Variants in MDM4 observed in about 807,000 individuals in gnomAD.
The protein encoded by MDM4 is MDM4 regulator of p53, also known as protein Mdm4.
A neutral mutation model predicts 60.2 loss-of-function variants in MDM4; 2 were observed. The ratio of observed to expected loss-of-function variants is 0.03; its 90% CI spans 0.01 to 0.10. The LOEUF (loss-of-function observed/expected upper bound fraction) is 0.10, where lower values mean the gene tolerates loss of function less well. Ranked by LOEUF, MDM4 falls within the 10% of genes least tolerant of loss-of-function variation. The probability of loss-of-function intolerance (pLI) is 1.00; values close to 1 mark genes in which losing one functional copy is unlikely to be tolerated. For missense variants in MDM4, 447 were observed against 577.5 expected (o/e 0.77, Z 2.32); for synonymous variants, 202 against 198.1 (o/e 1.02, Z -0.17).
chr1:204,516,440 A>C lies in MDM4; in HGVS notation c.-105A>C, dbSNP rs1191267432. ...CATTTCAAAATGCTGCCGAGGCCCT[A>C]GGATCTGTGACTGCCACCCCTCCCC... On this transcript the variant is annotated 5_prime_UTR_variant, in exon 1 of 11. The change abolishes the stop of an existing upstream ORF in the 5' untranslated region. Transcript: ENST00000367182. 6.6e-6 allele frequency: 1 copy of C among 152,224 alleles called. No individual in the cohort carries two copies. The highest frequency in any genetic ancestry group is 2.4e-5 in the African/African-American group (1 of 41,436). 9.4% of individuals were successfully genotyped at this position (152,224 alleles called of 1,614,324 possible).
At chr1:204,517,190 C>G (rs1248342016) in intron 1 of MDM4, among the ~76,000 whole-genome samples, 2 of 150,576 alleles carry the variant, frequency 1.3e-5, no homozygotes, top group African/African-American at 4.9e-5. Context: ...TGCAGTGAGT[C>G]GAGATCGCGC....
Position 204,544,525 on chromosome 1 carries a change from T to C in MDM4, c.673-10T>C, listed in dbSNP as rs375090771. On this transcript the variant is annotated splice_polypyrimidine_tract_variant and intron_variant, in intron 8 of 10. Coordinates refer to ENST00000367182, the MANE Select transcript of MDM4 (RefSeq NM_002393.5). ...AATACAGAAACTCATGTTTGTTTTT[T>C]TTCTGTTAGGATGTGGGTACTGCCA... 19 of 1,592,020 alleles carry C rather than the reference T, an allele frequency of 1.2e-5. No individual in the cohort carries two copies. The African/African-American group carries it at 2.0e-4, about 17-fold the overall frequency.
intron 6 of MDM4, chr1:204,537,823 A>C: frequency 1.6e-6 from 1 of 642,718 alleles, no homozygotes. Context: ...AGTTAAGTTC[A>C]TGTCAGGCCA....
intron 1 of MDM4, among the ~76,000 whole-genome samples, chr1:204,524,168 A>G (rs1224536222): frequency 6.6e-6 from 1 of 152,234 alleles, no homozygotes; most frequent in Non-Finnish European, 1.5e-5. Flanking sequence ...AATGAAGAAC[A>G]AAGAACAGGG....
chr1:204,556,626 G>T lies in MDM4; in HGVS notation c.*6944G>T, dbSNP rs948638571. Reference sequence around the variant, plus strand: ...TGGGAGGATCGCTTGAGCCTGGGAGGTGGAGGTTGCAGTGAGCTGAGATGG... The same window carrying T: ...TGGGAGGATCGCTTGAGCCTGGGAGTTGGAGGTTGCAGTGAGCTGAGATGG... On this transcript the variant is annotated 3_prime_UTR_variant, in exon 11 of 11. Coordinates refer to ENST00000367182, the MANE Select transcript of MDM4 (RefSeq NM_002393.5). 5 of 202,932 alleles carry T rather than the reference G, an allele frequency of 2.5e-5. No individual in the cohort carries two copies. Among genetic ancestry groups the T allele is most frequent in the African/African-American group, 1.1e-4 (5 of 43,654 alleles). The allele number at this position is 202,932 out of a possible 1,614,324, so 12.6% of individuals were successfully genotyped here.
chr1:204,529,229 G>A, intron 3 of MDM4: 1 of 732,842 alleles, frequency 1.4e-6, no homozygotes, highest in Non-Finnish European at 2.5e-6. Flanking sequence ...ATCATCATGA[G>A]GCAGGTCTCA....
intron 5 of MDM4, among the ~76,000 whole-genome samples, chr1:204,533,782 CTTTTTTTTT>C (rs59912938): frequency 9.3e-5 from 13 of 139,256 alleles, no homozygotes; most frequent in Non-Finnish European, 3.1e-5. Context: ...TTTTCTTTTT[CTTTTTTTTT>C]TTTTTTAAAT....
intron 1 of MDM4, among the ~76,000 whole-genome samples, chr1:204,523,294 C>T (rs915845257): frequency 1.3e-5 from 2 of 148,662 alleles, no homozygotes; most frequent in Non-Finnish European, 3.0e-5. Context: ...ATGGTGAAAC[C>T]CCGTCTCTAC....
rs35918019 is a variant in MDM4 at position 204,551,979 on chromosome 1, TAAA to T, written c.*2315_*2317del. On this transcript the variant is annotated 3_prime_UTR_variant, in exon 11 of 11. Coordinates refer to ENST00000367182, the MANE Select transcript of MDM4 (RefSeq NM_002393.5). ...CTAACACTAACAATAGCTGATGAGC[TAAA>T]AAAAAAAAAAAAAAAAATCGTGGAC... 1,672 of 136,250 alleles carry T rather than the reference TAAA, an allele frequency of 0.012. No individual in the cohort carries two copies. Among genetic ancestry groups the T allele is most frequent in the East Asian group, 0.052 (405 of 7,764 alleles). 8.4% of individuals were successfully genotyped at this position (136,250 alleles called of 1,614,324 possible).
chr1:204,538,308 G>T lies in MDM4; in HGVS notation c.511G>T (p.Asp171Tyr). ...GCATAAATGCATACATTCTAGAGAA[G>T]GTATGTTTTGGATTAAGGCTATATA... ...SEHKCIHSRE[D>Y]EDLIENLAQD... The change falls in exon 7 of 11, where the codon GAT becomes TAT. Residue 171 changes from aspartate to tyrosine, a missense_variant and splice_region_variant. Physicochemically the swap from Asp to Tyr is radical, Grantham distance 160. Around this residue, in one of 8 missense-constraint regions of MDM4, gnomAD observed 184 missense variants for 179.3 expected, o/e 1.03. Coordinates refer to ENST00000367182, the MANE Select transcript of MDM4 (RefSeq NM_002393.5). 2.6e-6 allele frequency: 4 copies of T among 1,510,898 alleles called. No homozygotes were observed. Among genetic ancestry groups the T allele is most frequent in the Non-Finnish European group, 3.7e-6 (4 of 1,087,082 alleles). 93.6% of individuals were successfully genotyped at this position (1,510,898 alleles called of 1,614,324 possible).
In MDM4 at chr1:204,554,945, A is replaced by G. The variant is rs1663438413; in HGVS notation, c.*5263A>G. ...TTAAATAAACTGTTACAGTAAATCT[A>G]CACTTGGATTTGCTGCACCTCTACC... is the stretch of plus-strand genomic sequence containing the variant. On this transcript the variant is annotated 3_prime_UTR_variant, in exon 11 of 11. Transcript: ENST00000367182. 1 of 222,322 alleles carries G rather than the reference A, an allele frequency of 4.5e-6. No homozygotes were observed. Among genetic ancestry groups the G allele is most frequent in the South Asian group, 1.8e-4 (1 of 5,422 alleles). 13.8% of individuals were successfully genotyped at this position (222,322 alleles called of 1,614,324 possible).
intron 2 of MDM4, 111 bp from the exon 3 acceptor site, chr1:204,526,249 T>G: frequency 1.2e-6 from 1 of 852,522 alleles, no homozygotes; most frequent in African/African-American, 1.7e-5. Context: ...GAGCAAGACC[T>G]TGCCTCAAAA....
rs1663030423 is a variant in MDM4 at position 204,549,827 on chromosome 1, G to A, written c.*145G>A. 1.8e-6 allele frequency: 1 copy of A among 560,984 alleles called. No individual in the cohort carries two copies. The allele number at this position is 560,984 out of a possible 1,614,324, so 34.8% of individuals were successfully genotyped here. On this transcript the variant is annotated 3_prime_UTR_variant, in exon 11 of 11. Coordinates refer to ENST00000367182, the MANE Select transcript of MDM4 (RefSeq NM_002393.5). Reference sequence around the variant, plus strand: ...AGGTAGCTGTAAGAAAAATACTGGAGCTAACAATGAAGAACAGAAGTAATC... The same window carrying A: ...AGGTAGCTGTAAGAAAAATACTGGAACTAACAATGAAGAACAGAAGTAATC...
chr1:204,546,444 C>A (rs943363947), intron 9 of MDM4, among the ~76,000 whole-genome samples: 12 of 152,148 alleles, frequency 7.9e-5, no homozygotes, highest in Admixed American at 5.2e-4. Flanking sequence ...CTCAAGGTAT[C>A]CTCCTGCCTT....
At chr1:204,532,666 G>A (rs1660987483) in intron 5 of MDM4, 1 of 1,192,230 alleles carries the variant, frequency 8.4e-7, no homozygotes. Flanking sequence ...CTTGAATTAG[G>A]ATCCAAAGTC....
rs1466058891 is a variant in MDM4 at position 204,538,277 on chromosome 1, C to T, written c.480C>T (p.Thr160=). 2.5e-6 allele frequency: 4 copies of T among 1,606,016 alleles called. No individual in the cohort carries two copies. The Admixed American group carries it at 5.0e-5, about 20-fold the overall frequency. ...AAGACGATATCCCCACACTGCCTAC[C>T]TCAGAGCATAAATGCATACATTCTA... ...TTEDDIPTLP[T]SEHKCIHSRE... The change falls in exon 7 of 11, where the codon ACC becomes ACT. Residue 160 remains threonine, a synonymous_variant. Coordinates refer to ENST00000367182, the MANE Select transcript of MDM4 (RefSeq NM_002393.5).
chr1:204,549,366 T>C lies in MDM4; in HGVS notation c.1157T>C (p.Phe386Ser), dbSNP rs1662988479. The stretch of plus-strand genomic sequence containing the variant: ...ATAAAGAAAGAAAACTCCAAACTTT[T>C]TGATCCCTGCAACTCAGTGGAATTC... ...AYIKKENSKL[F>S]DPCNSVEFLD... The change falls in exon 11 of 11, where the codon TTT becomes TCT. Residue 386 changes from phenylalanine to serine, a missense_variant. Physicochemically the swap from Phe to Ser is radical, Grantham distance 155. This residue lies in a region of MDM4 where 117 missense variants were observed against 114.5 expected (regional missense o/e 1.02). Transcript: ENST00000367182. The C allele has an allele frequency of 6.2e-7, 1 of 1,614,194 alleles. No individual in the cohort carries two copies. The highest frequency in any genetic ancestry group is 8.5e-7 in the Non-Finnish European group (1 of 1,180,030).
intron 3 of MDM4, chr1:204,529,190 G>T: frequency 1.3e-6 from 1 of 771,226 alleles, no homozygotes; most frequent in Non-Finnish European, 2.3e-6. Context: ...ACATTTATGT[G>T]GCCTGATTAG....
chr1:204,545,693 TTTTA>T (rs1662586691), intron 9 of MDM4, among the ~76,000 whole-genome samples: 2 of 152,266 alleles, frequency 1.3e-5, no homozygotes, highest in Non-Finnish European at 2.9e-5. Flanking sequence ...ATTTGGAAAC[TTTTA>T]TTTATTTATT....
Sources: allele counts gnomAD v4.1 joint callset (sites outside exome capture counted in the v4.1 genomes callset), GRCh38; gene constraint gnomAD v4.1.1; regional missense constraint gnomAD v4.1.1; transcripts MANE v1.5; gene names NCBI Gene and HGNC (gene_info 2026-07-23, HGNC 2026-07-21).